FMN1: variants seen among roughly 807,000 people sequenced by gnomAD.
FMN1 encodes the protein formin-1.
Under a neutral mutation model 132.4 loss-of-function variants are expected in FMN1, and 110 were observed. The observed-to-expected ratio is 0.83, with a 90% CI of 0.71 to 0.97. The LOEUF is 0.97. Among genes scored for constraint, FMN1 ranks in the 50% least tolerant of loss-of-function variants. FMN1 has a pLI of 0.00. For missense variants in FMN1, 1,792 were observed against 1,705.3 expected (o/e 1.05, Z -0.90); for synonymous variants, 722 against 651.7 (o/e 1.11, Z -1.64).
intron 5 of FMN1, chr15:33,067,186 G>C (rs778894155): frequency 2.5e-6 from 4 of 1,613,710 alleles, no homozygotes; most frequent in Non-Finnish European, 3.4e-6. Flanking sequence ...CTCCCACCTG[G>C]TCCTGGCTGG....
chr15:33,102,778 T>C (rs2039343025), intron 4 of FMN1, among the ~76,000 whole-genome samples: 1 of 152,162 alleles, frequency 6.6e-6, no homozygotes, highest in African/African-American at 2.4e-5. Flanking sequence ...TGACATTGGT[T>C]TTATTTCATT....
chr15:33,141,915 T>C (rs1410422069), intron 4 of FMN1, among the ~76,000 whole-genome samples: 4 of 152,050 alleles, frequency 2.6e-5, no homozygotes, highest in African/African-American at 9.7e-5. Context: ...AACAGGGTGT[T>C]AGTCTTGCAA....
chr15:33,020,859 G>T (rs531379679), intron 6 of FMN1, among the ~76,000 whole-genome samples: 1 of 152,086 alleles, frequency 6.6e-6, no homozygotes, highest in Admixed American at 6.5e-5. Flanking sequence ...TTTCTTAAAA[G>T]ACTTTATTGT....
At chr15:33,010,720 T>G (rs1425164683) in intron 6 of FMN1, among the ~76,000 whole-genome samples, 2 of 152,112 alleles carry the variant, frequency 1.3e-5, no homozygotes, top group Non-Finnish European at 2.9e-5. Context: ...TATGCATGTT[T>G]AGCAGAGTTG....
chr15:33,136,772 C>A (rs1209669546), intron 4 of FMN1, among the ~76,000 whole-genome samples: 1 of 152,092 alleles, frequency 6.6e-6, no homozygotes, highest in Non-Finnish European at 1.5e-5. Flanking sequence ...TAGAACATAA[C>A]CAAATAAATA....
chr15:32,935,240 TATAGTTTTCTTACTTG>T (rs2061235504), intron 9 of FMN1, among the ~76,000 whole-genome samples: 1 of 152,066 alleles, frequency 6.6e-6, no homozygotes, highest in Non-Finnish European at 1.5e-5. Flanking sequence ...TTTTTCTAGA[TATAGTTTTCTTACTTG>T]GTAATTTTCT....
rs189299964 is a variant in FMN1, at chr15:33,020,200, T to C, written c.2162-12125A>G. On this transcript the variant is annotated intron_variant, in intron 6 of 20. Transcript: ENST00000616417. Reference sequence around the variant, plus strand: ...CTGGCATCCGAAAGGGGGGCAGTCTTGCAGGACGGAGCCCTCAACTTGTGG... The same window carrying C: ...CTGGCATCCGAAAGGGGGGCAGTCTCGCAGGACGGAGCCCTCAACTTGTGG... Among the ~76,000 whole-genome samples, 27 of 152,334 alleles carry C rather than the reference T, an allele frequency of 1.8e-4. No homozygotes were observed. In the East Asian group the frequency reaches 4.8e-3, roughly 27 times the overall value.
At position 32,900,114 on chromosome 15, in the gene FMN1, G is replaced by C. The variant is rs764669683; in HGVS notation, c.3519C>G (p.His1173Gln). 1.2e-6 allele frequency: 2 copies of C among 1,613,638 alleles called. No homozygotes were observed. The highest frequency in any genetic ancestry group is 3.3e-5 in the Admixed American group (2 of 60,010). Residue 1173 changes from histidine to glutamine, a missense_variant, in exon 14 of 21, where the codon CAC becomes CAG. His to Gln is a conservative substitution (Grantham distance 24, BLOSUM62 0). Coordinates refer to ENST00000616417, the MANE Select transcript of FMN1 (RefSeq NM_001277313.2). ...CTAAAATATCCTTCACGCTCTTCAC[G>C]TGCAGCAAGTCCTGTGATGGCAAAC... is the stretch of plus-strand genomic sequence containing the variant. ...IITRASKDLL[H>Q]VKSVKDILAL...
chr15:33,110,689 CAG>C (rs2039667413), intron 4 of FMN1, among the ~76,000 whole-genome samples: 1 of 127,112 alleles, frequency 7.9e-6, no homozygotes, highest in African/African-American at 3.4e-5. Context: ...TATATAAACA[CAG>C]ATCATTAAAG....
intron 9 of FMN1, among the ~76,000 whole-genome samples, chr15:32,928,787 G>A (rs535390191): frequency 1.3e-5 from 2 of 152,248 alleles, no homozygotes; most frequent in South Asian, 2.1e-4. Context: ...TTCTTCAAAT[G>A]AACACGCACC....
chr15:33,069,699 C>A (rs960041132), intron 5 of FMN1, among the ~76,000 whole-genome samples: 2 of 152,210 alleles, frequency 1.3e-5, no homozygotes, highest in African/African-American at 4.8e-5. Flanking sequence ...CGCATCATTG[C>A]ATCCCATCAA....
intron 7 of FMN1, among the ~76,000 whole-genome samples, chr15:33,006,423 G>A (rs114495994): frequency 0.012 from 1,860 of 152,248 alleles, 42 homozygotes; most frequent in African/African-American, 0.042. Context: ...TGGAAAAAGA[G>A]AACCCATGCA....
At chr15:33,147,476 G>A (rs1222295899) in intron 4 of FMN1, among the ~76,000 whole-genome samples, 2 of 152,190 alleles carry the variant, frequency 1.3e-5, no homozygotes, top group African/African-American at 4.8e-5. Flanking sequence ...TCGGAAGGCT[G>A]TGCATATAGC....
rs1402065741 is a variant in FMN1 at position 32,961,191 on chromosome 15, T to G, written c.3138+2916A>C. On this transcript the variant is annotated intron_variant, in intron 9 of 20. Transcript: ENST00000616417. ...TCTTGTTGCCCAGGCTGGGGTGCAA[T>G]GCGGCAATCTCAGCTCACTGCAACC... 6.0e-5 allele frequency among the ~76,000 whole-genome samples: 9 copies of G among 151,252 alleles called. No homozygotes were observed. The East Asian group carries it at 1.8e-3, about 30-fold the overall frequency.
chr15:32,984,462 G>A (rs1448991651), intron 7 of FMN1, among the ~76,000 whole-genome samples: 3 of 152,052 alleles, frequency 2.0e-5, no homozygotes, highest in Admixed American at 6.6e-5. Context: ...TTCCTACTCT[G>A]TAAAATGAGG....
chr15:32,907,909 G>A (rs981074408), intron 12 of FMN1, among the ~76,000 whole-genome samples: 7 of 151,808 alleles, frequency 4.6e-5, no homozygotes, highest in Non-Finnish European at 7.4e-5. Flanking sequence ...GTTACACCCC[G>A]GAGTTCTGGG....
chr15:32,938,096 C>G lies in FMN1; in HGVS notation c.3139-11835G>C, dbSNP rs1300344288. Among the ~76,000 whole-genome samples, 3 of 149,132 alleles carry G rather than the reference C, an allele frequency of 2.0e-5. 1 individual carries two copies. In the South Asian group the frequency reaches 6.4e-4, roughly 32 times the overall value. The stretch of plus-strand genomic sequence containing the variant: ...GAGAAAAAGTATACATTTTGTTGCA[C>G]TTTTTTTTTTCACTGTGTAGCGTGT... On this transcript the variant is annotated intron_variant, in intron 9 of 20. Transcript: ENST00000616417.
chr15:33,010,989 C>A (rs1225333568), intron 6 of FMN1, among the ~76,000 whole-genome samples: 7 of 108,264 alleles, frequency 6.5e-5, no homozygotes, highest in African/African-American at 2.2e-4. Flanking sequence ...TGAGTCTTCC[C>A]AAACTGATTC....
Position 33,154,909 on chromosome 15 carries a change from T to C in FMN1, c.6A>G (p.Glu2=). The part of the protein sequence containing the change: M[E]GTHCTLQLHK... ...GCAATTGGAGGGTACAATGAGTGCC[T>C]TCCATTATGCCTACCTAATTATTCA... The change falls in exon 4 of 21, where the codon GAA becomes GAG. Residue 2 remains glutamate, a synonymous_variant. Coordinates refer to ENST00000616417, the MANE Select transcript of FMN1 (RefSeq NM_001277313.2). 2.6e-6 allele frequency: 4 copies of C among 1,530,218 alleles called. No homozygotes were observed. The highest frequency in any genetic ancestry group is 2.4e-5 in the East Asian group (1 of 40,884). The allele number at this position is 1,530,218 out of a possible 1,614,324, so 94.8% of individuals were successfully genotyped here.
Sources: allele counts gnomAD v4.1 joint callset (sites outside exome capture counted in the v4.1 genomes callset), GRCh38; gene constraint gnomAD v4.1.1; transcripts MANE v1.5; gene names NCBI Gene and HGNC (gene_info 2026-07-23, HGNC 2026-07-21).